DLGAP2: variants seen among roughly 807,000 people sequenced by gnomAD.
The protein encoded by DLGAP2 is disks large-associated protein 2.
DLGAP2 carries 26 observed loss-of-function variants against 100.3 expected under a neutral mutation model. The ratio of observed to expected loss-of-function variants is 0.26; its 90% CI spans 0.19 to 0.36. The LOEUF is 0.36. DLGAP2 is among the 10% of genes least tolerant of loss of function. The pLI is 1.00. For missense variants in DLGAP2, 1,858 were observed against 1,453.2 expected (o/e 1.28, Z -4.53); for synonymous variants, 886 against 630.1 (o/e 1.41, Z -6.08).
intron 1 of DLGAP2, among the ~76,000 whole-genome samples, chr8:744,046 C>T (rs751276642): frequency 6.6e-6 from 1 of 152,238 alleles, no homozygotes; most frequent in Non-Finnish European, 1.5e-5. Context: ...AATGCCCAGA[C>T]ACCTGTTTTA....
intron 2 of DLGAP2, among the ~76,000 whole-genome samples, chr8:1,015,067 C>T (rs1474534881): frequency 5.2e-5 from 1 of 19,068 alleles, no homozygotes. Flanking sequence ...CCAGGACAGA[C>T]GGTGCCTCCA....
intron 8 of DLGAP2, among the ~76,000 whole-genome samples, chr8:1,648,986 C>G: frequency 6.6e-6 from 1 of 152,194 alleles, no homozygotes; most frequent in Non-Finnish European, 1.5e-5. Context: ...CGGCAGCCAC[C>G]ACGAGGTCAT....
intron 1 of DLGAP2, among the ~76,000 whole-genome samples, chr8:877,154 T>C (rs1470312716): frequency 6.6e-6 from 1 of 152,204 alleles, no homozygotes; most frequent in Non-Finnish European, 1.5e-5. Flanking sequence ...TTGTGTTGCC[T>C]GCCTCTTATT....
Position 917,859 on chromosome 8 carries a change from G to A in DLGAP2, c.73+9893G>A, listed in dbSNP as rs145582112. Among the ~76,000 whole-genome samples, 1,430 of 152,282 alleles carry A rather than the reference G, an allele frequency of 9.4e-3. 22 individuals carry two copies. Among genetic ancestry groups the A allele is most frequent in the African/African-American group, 0.033 (1,359 of 41,538 alleles). On this transcript the variant is annotated intron_variant, in intron 2 of 14. Coordinates refer to ENST00000637795, the MANE Select transcript of DLGAP2 (RefSeq NM_001346810.2). ...CTCCTAGAGTGCTGGGATTACAGGC[G>A]TGAGCTACTGCGCCCGGCCTCCAGA...
intron 2 of DLGAP2, among the ~76,000 whole-genome samples, chr8:1,054,496 T>G (rs1018568593): frequency 4.6e-5 from 7 of 152,220 alleles, no homozygotes; most frequent in African/African-American, 1.4e-4. Context: ...GTGCTGTCAT[T>G]AAAGTAGTCT....
intron 8 of DLGAP2, among the ~76,000 whole-genome samples, chr8:1,647,430 A>C (rs2130804405): frequency 7.4e-6 from 1 of 135,842 alleles, no homozygotes; most frequent in South Asian, 2.5e-4. Context: ...CAGAGCTTGC[A>C]GTGAGCCGAG....
At chr8:1,229,733 G>A (rs1434586227) in intron 2 of DLGAP2, among the ~76,000 whole-genome samples, 1 of 152,176 alleles carries the variant, frequency 6.6e-6, no homozygotes, top group East Asian at 1.9e-4. Flanking sequence ...ATCAATAAAT[G>A]CAGTTCACCA....
At chr8:1,185,329 A>T (rs1797476517) in intron 2 of DLGAP2, among the ~76,000 whole-genome samples, 1 of 152,074 alleles carries the variant, frequency 6.6e-6, no homozygotes, top group Non-Finnish European at 1.5e-5. Context: ...TGACACCATC[A>T]TTCTGCTGAC....
chr8:1,212,456 G>T (rs550409996), intron 2 of DLGAP2, among the ~76,000 whole-genome samples: 3 of 152,274 alleles, frequency 2.0e-5, no homozygotes, highest in African/African-American at 7.2e-5. Flanking sequence ...TCTATTTGAT[G>T]TCTAGTTAGT....
chr8:1,308,219 C>G lies in DLGAP2; in HGVS notation c.106+49336C>G, dbSNP rs374978810. On this transcript the variant is annotated intron_variant, in intron 3 of 14. Transcript: ENST00000637795. ...CAGAGAATGGGAAAGGTGTTTTTGT[C>G]TTTTTCGTTTGTAGCTCTTGGCATT... 1.7e-4 allele frequency among the ~76,000 whole-genome samples: 26 copies of G among 152,176 alleles called. 1 individual carries two copies. The highest frequency in any genetic ancestry group is 9.6e-4 in the East Asian group (5 of 5,198).
intron 1 of DLGAP2, among the ~76,000 whole-genome samples, chr8:899,018 C>CG (rs1230647133): frequency 6.6e-6 from 1 of 152,222 alleles, no homozygotes; most frequent in East Asian, 1.9e-4. Context: ...GCCCCCCAGG[C>CG]GGTTCTGACG....
intron 4 of DLGAP2, among the ~76,000 whole-genome samples, chr8:1,545,688 G>C (rs1014833114): frequency 6.6e-6 from 1 of 152,182 alleles, no homozygotes; most frequent in Non-Finnish European, 1.5e-5. Flanking sequence ...TCATTATTGT[G>C]ATAATATTTT....
At chr8:1,537,203 A>G (rs902814408) in intron 4 of DLGAP2, among the ~76,000 whole-genome samples, 5 of 152,086 alleles carry the variant, frequency 3.3e-5, no homozygotes, top group Non-Finnish European at 7.3e-5. Context: ...GCATGCATGC[A>G]TATGTGTGTA....
At chr8:1,463,704 G>C (rs1260863605) in intron 3 of DLGAP2, among the ~76,000 whole-genome samples, 1 of 152,254 alleles carries the variant, frequency 6.6e-6, no homozygotes, top group Non-Finnish European at 1.5e-5. Flanking sequence ...CAGACTTGCT[G>C]ACCAGGCACT....
rs1028090446 is a variant in DLGAP2 at position 1,594,669 on chromosome 8, C to G, written c.1442+28775C>G. Among the ~76,000 whole-genome samples the G allele has an allele frequency of 8.5e-5, 13 of 152,274 alleles. No homozygotes were observed. The East Asian group carries it at 2.5e-3, about 29-fold the overall frequency. On this transcript the variant is annotated intron_variant, in intron 6 of 14. Transcript: ENST00000637795. ...GAACTCCTGACCTCAAGTGATCTGC[C>G]CACCTCGGCCTCCCAAAGTGCTGGG...
intron 2 of DLGAP2, among the ~76,000 whole-genome samples, chr8:1,030,149 C>T (rs933012450): frequency 1.3e-5 from 2 of 152,232 alleles, no homozygotes; most frequent in African/African-American, 2.4e-5. Context: ...AGTTCCTCCT[C>T]CTCTTACAAC....
chr8:1,536,144 A>G (rs1423916343), intron 4 of DLGAP2, among the ~76,000 whole-genome samples: 2 of 152,178 alleles, frequency 1.3e-5, no homozygotes, highest in Non-Finnish European at 2.9e-5. Context: ...AGTATTCAGG[A>G]GAACTGTTGG....
intron 2 of DLGAP2, among the ~76,000 whole-genome samples, chr8:912,468 G>C (rs1223837199): frequency 5.9e-5 from 9 of 152,220 alleles, no homozygotes; most frequent in Non-Finnish European, 1.0e-4. Context: ...CTGAGTGAGA[G>C]GGTGGGTGGG....
At chr8:1,352,505 C>T (rs533716975) in intron 3 of DLGAP2, among the ~76,000 whole-genome samples, 5 of 152,252 alleles carry the variant, frequency 3.3e-5, no homozygotes, top group Non-Finnish European at 5.9e-5. Context: ...CCCAGACAGA[C>T]GTCTTAAGTG....
Sources: allele counts gnomAD v4.1 joint callset (sites outside exome capture counted in the v4.1 genomes callset), GRCh38; gene constraint gnomAD v4.1.1; transcripts MANE v1.5; gene names NCBI Gene and HGNC (gene_info 2026-07-23, HGNC 2026-07-21).